Variants in CLEC16A observed in about 807,000 individuals in gnomAD.
CLEC16A encodes the protein C-type lectin domain containing 16A.
In CLEC16A, 51 loss-of-function variants were observed where a neutral mutation model predicts 109.5. That is an observed-to-expected ratio of 0.47 (90% confidence interval 0.37 to 0.59). The LOEUF (loss-of-function observed/expected upper bound fraction) is 0.59. Ranked by LOEUF, CLEC16A falls within the 20% of genes least tolerant of loss-of-function variation. The pLI is 0.00. For missense variants in CLEC16A, 1,339 were observed against 1,394.0 expected, an observed-to-expected ratio of 0.96 and a Z score of 0.63; for synonymous variants, 673 against 564.2, an observed-to-expected ratio of 1.19 and a Z score of -2.73.
In CLEC16A at chr16:11,006,799, G is replaced by A. The variant is rs1262665553; in HGVS notation, c.1303+3494G>A. Among the ~76,000 whole-genome samples, 3 of 152,150 alleles carry A rather than the reference G, an allele frequency of 2.0e-5. No individual in the cohort carries two copies. The East Asian group carries it at 5.8e-4, about 29-fold the overall frequency. On this transcript the variant is annotated intron_variant, in intron 11 of 23. Coordinates refer to ENST00000409790, the MANE Select transcript of CLEC16A (RefSeq NM_015226.3). The stretch of plus-strand genomic sequence containing the variant: ...CTCAGACAAGGAAGTTGTGTGAAAT[G>A]AATGTGCACCCCTAACCCATCCACT...
intron 22 of CLEC16A, among the ~76,000 whole-genome samples, chr16:11,134,389 C>T (rs555094231): frequency 1.3e-5 from 2 of 152,228 alleles, no homozygotes; most frequent in Non-Finnish European, 2.9e-5. Context: ...TCCTCCCGAC[C>T]ACCCTGGAAG....
Position 10,977,411 on chromosome 16 carries a change from C to G in CLEC16A, c.903+12C>G. The G allele has an allele frequency of 6.2e-7, 1 of 1,608,736 alleles. No homozygotes were observed. The highest frequency in any genetic ancestry group is 1.1e-5 in the South Asian group (1 of 90,302). ...AGAACCAGGACAAGGTGGGTCCAGC[C>G]CCGTGGCTCCCGCTGGCTGAAGGCC... On this transcript the variant is annotated intron_variant, in intron 8 of 23. Coordinates refer to ENST00000409790, the MANE Select transcript of CLEC16A (RefSeq NM_015226.3).
chr16:11,044,807 T>G (rs1409182860), intron 16 of CLEC16A, among the ~76,000 whole-genome samples: 1 of 151,908 alleles, frequency 6.6e-6, no homozygotes, highest in Non-Finnish European at 1.5e-5. Context: ...ATGCGTGTAA[T>G]TGCAGCTACT....
intron 11 of CLEC16A, among the ~76,000 whole-genome samples, chr16:11,013,145 T>C (rs563491166): frequency 1.3e-5 from 2 of 152,312 alleles, no homozygotes; most frequent in South Asian, 4.1e-4. Context: ...ACATGCAGAC[T>C]CCACATAGAC....
chr16:11,033,080 G>A (rs1449910289), intron 13 of CLEC16A, among the ~76,000 whole-genome samples: 2 of 152,088 alleles, frequency 1.3e-5, no homozygotes. Flanking sequence ...GGATTAGGCT[G>A]CTGGCTGGGG....
At chr16:11,012,594 C>CAAAAAAAAAAAAAAAAAAAAAAA (rs551902895) in intron 11 of CLEC16A, among the ~76,000 whole-genome samples, 1 of 67,940 alleles carries the variant, frequency 1.5e-5, no homozygotes, top group African/African-American at 4.5e-5. Context: ...GACTCCGTCT[C>CAAAAAAAAAAAAAAAAAAAAAAA]AAAAAAAAAA....
intron 13 of CLEC16A, among the ~76,000 whole-genome samples, chr16:11,028,025 A>G (rs1032633830): frequency 1.3e-5 from 2 of 152,188 alleles, no homozygotes; most frequent in African/African-American, 4.8e-5. Context: ...ACATGGAGAA[A>G]TGCCATCTCT....
chr16:11,080,661 G>C lies in CLEC16A; in HGVS notation c.2116+19639G>C, dbSNP rs1597320910. ...GGTGTTGGTCCTTCCCGAAATCTCT[G>C]GGGAGAATCTGTTTTCTTGCCTTTT... On this transcript the variant is annotated intron_variant, in intron 19 of 23. Transcript: ENST00000409790. Among the ~76,000 whole-genome samples the C allele has an allele frequency of 2.6e-5, 4 of 152,322 alleles. No homozygotes were observed. In the South Asian group the frequency reaches 8.3e-4, roughly 32 times the overall value.
intron 13 of CLEC16A, chr16:11,035,905 G>C (rs916534356): frequency 6.6e-6 from 1 of 152,284 alleles, no homozygotes; most frequent in Non-Finnish European, 1.5e-5. Flanking sequence ...TAAAGGCCAT[G>C]GTGGGAAAAA....
chr16:11,111,507 A>T (rs878893191), intron 19 of CLEC16A, among the ~76,000 whole-genome samples: 1 of 152,244 alleles, frequency 6.6e-6, no homozygotes, highest in Non-Finnish European at 1.5e-5. Flanking sequence ...CTCAGGTTCA[A>T]GGAGAAGGGT....
intron 13 of CLEC16A, among the ~76,000 whole-genome samples, chr16:11,037,795 C>G (rs1376260366): frequency 2.7e-5 from 4 of 145,520 alleles, no homozygotes; most frequent in Non-Finnish European, 6.1e-5. Context: ...CCCCCACCCC[C>G]ACCCCCAGAA....
chr16:11,128,398 C>G (rs556486149), intron 22 of CLEC16A, among the ~76,000 whole-genome samples: 104 of 152,320 alleles, frequency 6.8e-4, no homozygotes, highest in African/African-American at 2.4e-3. Flanking sequence ...GTTGGCACAG[C>G]TGGGATGCCC....
rs772546016 is a variant in CLEC16A, at chr16:11,020,343, C to T, written c.1436+18C>T. 3.1e-5 allele frequency: 49 copies of T among 1,593,386 alleles called. No homozygotes were observed. The highest frequency in any genetic ancestry group is 3.9e-5 in the Non-Finnish European group (46 of 1,170,210). On this transcript the variant is annotated intron_variant, in intron 12 of 23. Transcript: ENST00000409790. ...TGGAGCAGGTAGCTGCCCGAGAGGTCGATGCTGAGTGCTCTCTCAGGGAAG... is the reference window on the plus strand; with the variant it reads ...TGGAGCAGGTAGCTGCCCGAGAGGTTGATGCTGAGTGCTCTCTCAGGGAAG...
chr16:11,170,926 C>T (rs1475925343), intron 23 of CLEC16A, among the ~76,000 whole-genome samples: 1 of 152,184 alleles, frequency 6.6e-6, no homozygotes, highest in African/African-American at 2.4e-5. Flanking sequence ...GGCATCGCTG[C>T]AGATGACAGC....
chr16:10,979,285 G>T (rs1283313830), intron 8 of CLEC16A, 44 bp from the exon 9 acceptor site: 1 of 1,579,518 alleles, frequency 6.3e-7, no homozygotes, highest in South Asian at 1.1e-5. Context: ...CTGCTCGCTT[G>T]TGTGACCTGA....
intron 12 of CLEC16A, 196 bp from the exon 13 acceptor site, chr16:11,024,625 C>T (rs571155216): frequency 7.6e-6 from 4 of 523,712 alleles, no homozygotes; most frequent in Non-Finnish European, 1.4e-5. Context: ...TCAGGTTCCC[C>T]TCTGGATAGC....
chr16:11,084,342 G>A (rs1351517092), intron 19 of CLEC16A, among the ~76,000 whole-genome samples: 1 of 152,040 alleles, frequency 6.6e-6, no homozygotes, highest in Non-Finnish European at 1.5e-5. Flanking sequence ...TGGTTCTTTG[G>A]TTCATGTGGG....
intron 22 of CLEC16A, among the ~76,000 whole-genome samples, chr16:11,154,662 C>A (rs1263463758): frequency 6.6e-6 from 1 of 152,226 alleles, no homozygotes; most frequent in Non-Finnish European, 1.5e-5. Context: ...TGGGGGCTCA[C>A]ATCTGTAATC....
rs1416664728 is a variant in CLEC16A at position 11,182,124 on chromosome 16, A to C, written c.*3434A>C. The C allele has an allele frequency of 6.6e-6, 1 of 152,274 alleles. No homozygotes were observed. Among genetic ancestry groups the C allele is most frequent in the Non-Finnish European group, 1.5e-5 (1 of 68,046 alleles). The allele number at this position is 152,274 out of a possible 1,614,324, so 9.4% of individuals were successfully genotyped here. Reference sequence around the variant, plus strand: ...CGTGGGTACTGAACACGAGGGTGGAAATGAAAACTGGAACTTCCTTGTAAA... The same window carrying C: ...CGTGGGTACTGAACACGAGGGTGGACATGAAAACTGGAACTTCCTTGTAAA... On this transcript the variant is annotated 3_prime_UTR_variant, in exon 24 of 24. Transcript: ENST00000409790.
Sources: allele counts gnomAD v4.1 joint callset (sites outside exome capture counted in the v4.1 genomes callset), GRCh38; gene constraint gnomAD v4.1.1; transcripts MANE v1.5; gene names NCBI Gene and HGNC (gene_info 2026-07-23, HGNC 2026-07-21).